REPS1: variants seen among roughly 807,000 people sequenced by gnomAD.
REPS1 encodes the protein ralBP1-associated Eps domain-containing protein 1.
Under a neutral mutation model 100.9 loss-of-function variants are expected in REPS1, and 39 were observed. That is an observed-to-expected ratio of 0.39 (90% CI 0.30 to 0.50). The LOEUF (loss-of-function observed/expected upper bound fraction) is 0.50. Ranked by LOEUF, REPS1 falls within the 20% of genes least tolerant of loss-of-function variation. The pLI, the probability that REPS1 is intolerant of heterozygous loss-of-function variation, is 0.86. For missense variants in REPS1, 821 were observed against 968.5 expected, an observed-to-expected ratio of 0.85 and a Z score of 2.02; for synonymous variants, 324 against 340.3, an observed-to-expected ratio of 0.95 and a Z score of 0.53.
At chr6:138,978,095 G>GC (rs1554297939) in intron 1 of REPS1, among the ~76,000 whole-genome samples, 1 of 144,246 alleles carries the variant, frequency 6.9e-6, no homozygotes, top group African/African-American at 2.5e-5. Context: ...CTTTCGCCCA[G>GC]TTTTTTTTTT....
At position 138,908,986 on chromosome 6, in the gene REPS1, G is replaced by A. The variant is rs1582697507; in HGVS notation, c.2068-170C>T. 1.3e-5 allele frequency: 8 copies of A among 603,902 alleles called. No individual in the cohort carries two copies. In the East Asian group the frequency reaches 2.4e-4, roughly 18 times the overall value. 37.4% of individuals were successfully genotyped at this position (603,902 alleles called of 1,614,324 possible). A position where few individuals can be genotyped will look rare whatever the true frequency, so the allele number is the denominator to read the frequency against. Reference sequence around the variant, plus strand: ...CAAGAGCTAACTTAAATTACAGTGAGAAAAGATGTTTCTAGTTGACACCAC... The same window carrying A: ...CAAGAGCTAACTTAAATTACAGTGAAAAAAGATGTTTCTAGTTGACACCAC... On this transcript the variant is annotated intron_variant, in intron 17 of 19. Transcript: ENST00000450536.
intron 8 of REPS1, among the ~76,000 whole-genome samples, chr6:138,937,635 G>A (rs1045269236): frequency 1.3e-5 from 2 of 152,228 alleles, no homozygotes; most frequent in African/African-American, 4.8e-5. Context: ...TGCAGAAGGA[G>A]ATGGAGACAG....
intron 1 of REPS1, among the ~76,000 whole-genome samples, chr6:138,981,622 C>G (rs1228036436): frequency 6.6e-6 from 1 of 152,200 alleles, no homozygotes; most frequent in Non-Finnish European, 1.5e-5. Flanking sequence ...CAACTAACCA[C>G]AAGACTTTGT....
intron 1 of REPS1, among the ~76,000 whole-genome samples, chr6:138,980,986 A>T (rs897444363): frequency 6.6e-6 from 1 of 152,276 alleles, no homozygotes; most frequent in Non-Finnish European, 1.5e-5. Context: ...GATTTAAGAC[A>T]GAAGTGTTTA....
intron 6 of REPS1, 68 bp downstream of exon 6, chr6:138,943,785 G>A: frequency 7.5e-7 from 1 of 1,330,696 alleles, no homozygotes; most frequent in East Asian, 2.3e-5. Context: ...ATAAAACAAT[G>A]TCTTTGATAT....
At chr6:138,924,604 T>C (rs958531049) in intron 10 of REPS1, among the ~76,000 whole-genome samples, 2 of 152,212 alleles carry the variant, frequency 1.3e-5, no homozygotes, top group Admixed American at 6.5e-5. Context: ...AGTTTCTTTA[T>C]TGCTACATCT....
intron 19 of REPS1, among the ~76,000 whole-genome samples, chr6:138,905,499 G>T (rs1779581795): frequency 6.8e-6 from 1 of 147,706 alleles, no homozygotes; most frequent in Admixed American, 6.9e-5. Flanking sequence ...CACCTTGTTA[G>T]CCAGGATGGT....
intron 17 of REPS1, among the ~76,000 whole-genome samples, chr6:138,910,415 A>G (rs1336913638): frequency 6.6e-6 from 1 of 152,066 alleles, no homozygotes; most frequent in Non-Finnish European, 1.5e-5. Flanking sequence ...AGTGTAGGGC[A>G]CTATCTCAGC....
At chr6:138,928,108 A>C (rs1023446736) in intron 9 of REPS1, 1 of 152,200 alleles carries the variant, frequency 6.6e-6, no homozygotes, top group African/African-American at 2.4e-5. Context: ...GACTACTGGA[A>C]TCCCAGTTAC....
At chr6:138,921,567 CTTTTTTT>C (rs755518526) in intron 10 of REPS1, among the ~76,000 whole-genome samples, 2 of 57,680 alleles carry the variant, frequency 3.5e-5, no homozygotes, top group African/African-American at 6.9e-5. Context: ...TAGGAGGATC[CTTTTTTT>C]TTTTTTTTTT....
chr6:138,906,080 C>T (rs1346202865), intron 19 of REPS1, among the ~76,000 whole-genome samples: 6 of 152,142 alleles, frequency 3.9e-5, no homozygotes, highest in Admixed American at 6.5e-5. Context: ...AATGGTCTTC[C>T]CTGGTTCAGA....
intron 1 of REPS1, among the ~76,000 whole-genome samples, chr6:138,964,496 C>CT (rs963518716): frequency 6.6e-6 from 1 of 152,008 alleles, no homozygotes; most frequent in African/African-American, 2.4e-5. Context: ...ATATTAGGTA[C>CT]TTTAACACAG....
At chr6:138,919,184 C>T (rs1482666662) in intron 12 of REPS1, among the ~76,000 whole-genome samples, 1 of 152,162 alleles carries the variant, frequency 6.6e-6, no homozygotes, top group African/African-American at 2.4e-5. Context: ...TCCTTTCTCT[C>T]TTACATCCTA....
intron 1 of REPS1, among the ~76,000 whole-genome samples, chr6:138,979,077 T>C (rs962412196): frequency 3.4e-5 from 5 of 147,680 alleles, no homozygotes; most frequent in African/African-American, 1.2e-4. Flanking sequence ...GCAACTCTGA[T>C]GGCTGAGGCA....
chr6:138,987,510 GC>G lies in REPS1; in HGVS notation c.153+19del. 1.3e-6 allele frequency: 2 copies of G among 1,543,716 alleles called. No homozygotes were observed. The highest frequency in any genetic ancestry group is 1.7e-4 in the Middle Eastern group (1 of 5,824). ...GACTGCAGGCCTAAGCCGCCCGCCG[GC>G]CCCGGGACGCGACGTTACCTGTAGG... On this transcript the variant is annotated intron_variant, in intron 1 of 19. Transcript: ENST00000450536.
chr6:138,916,216 T>C, intron 13 of REPS1: 1 of 341,638 alleles, frequency 2.9e-6, no homozygotes, highest in East Asian at 7.3e-5. Flanking sequence ...ATTTCTTTTT[T>C]TCTTTTTTTT....
At position 138,988,210 on chromosome 6, in the gene REPS1, A is replaced by G; in HGVS notation, c.-528T>C. On this transcript the variant is annotated 5_prime_UTR_variant, in exon 1 of 20. Coordinates refer to ENST00000450536, the MANE Select transcript of REPS1 (RefSeq NM_001286611.2). ...GCTCCGCCTCCCTCCGCCGCCATTT[A>G]CAGTGCCCCGGCCCGGCCCCGACGC... 5.0e-6 allele frequency: 2 copies of G among 398,358 alleles called. No individual in the cohort carries two copies. The highest frequency in any genetic ancestry group is 8.8e-6 in the Non-Finnish European group (2 of 226,134). The allele number at this position is 398,358 out of a possible 1,614,324, so 24.7% of individuals were successfully genotyped here. A position where few individuals can be genotyped will look rare whatever the true frequency, so the allele number is the denominator to read the frequency against.
chr6:138,927,303 T>C (rs1164173504), intron 9 of REPS1: 1 of 152,218 alleles, frequency 6.6e-6, no homozygotes, highest in Non-Finnish European at 1.5e-5. Context: ...AAAAAAATCA[T>C]ACCTCTTAAA....
chr6:138,971,499 CA>C (rs1562564306), intron 1 of REPS1, among the ~76,000 whole-genome samples: 1 of 152,002 alleles, frequency 6.6e-6, no homozygotes, highest in African/African-American at 2.4e-5. Context: ...GCTATAGTGC[CA>C]AGGTGTCCAG....
Sources: allele counts gnomAD v4.1 joint callset (sites outside exome capture counted in the v4.1 genomes callset), GRCh38; gene constraint gnomAD v4.1.1; transcripts MANE v1.5; gene names NCBI Gene and HGNC (gene_info 2026-07-23, HGNC 2026-07-21).